The following HOXB6 variants were observed in gnomAD, a reference collection of about 807,000 sequenced individuals.
HOXB6 encodes the protein homeobox protein Hox-B6.
Under a neutral mutation model 24.2 loss-of-function variants are expected in HOXB6, and 18 were observed. The ratio of observed to expected loss-of-function variants is 0.74; its 90% confidence interval spans 0.51 to 1.10. HOXB6 has a LOEUF of 1.10. HOXB6 is among the 50% of genes least tolerant of loss of function. The pLI is 0.00. For synonymous variants in HOXB6, 159 were observed against 139.1 expected, an observed-to-expected ratio of 1.14 and a Z score of -1.01; for missense variants, 332 against 308.3, an observed-to-expected ratio of 1.08 and a Z score of -0.58.
At position 48,597,913 on chromosome 17, in the gene HOXB6, A is replaced by G; in HGVS notation, c.238T>C (p.Phe80Leu). The G allele has an allele frequency of 6.3e-7, 1 of 1,578,024 alleles. No individual in the cohort carries two copies. The highest frequency in any genetic ancestry group is 1.1e-5 in the South Asian group (1 of 87,092). ...CAGGCCGACTCTTTCTCGCGGTAGA[A>G]GGCCGGCGCCGGCCCGTAGTCGCAG... ...APCDYGPAPAFYREKESACAL... is the reference protein window; with the variant it reads ...APCDYGPAPALYREKESACAL... Residue 80 changes from phenylalanine (F) to leucine (L), a missense_variant, in exon 3 of 4, where the codon TTC becomes CTC. Physicochemically the swap from Phe to Leu is conservative, Grantham distance 22. Transcript: ENST00000225648.
chr17:48,603,500 T>A (rs1315584242), intron 2 of HOXB6, among the ~76,000 whole-genome samples: 2 of 152,202 alleles, frequency 1.3e-5, no homozygotes, highest in African/African-American at 4.8e-5. Context: ...CTTCTTTCAT[T>A]TCTTTCTCTT....
chr17:48,602,273 G>T, intron 2 of HOXB6: 1 of 455,294 alleles, frequency 2.2e-6, no homozygotes, highest in Non-Finnish European at 4.4e-6. Flanking sequence ...CGGGGCCGGC[G>T]CCTGCCCTGC....
At chr17:48,597,690 G>A (rs1373866276) in intron 3 of HOXB6, 46 bp downstream of exon 3, 7 of 1,591,488 alleles carry the variant, frequency 4.4e-6, no homozygotes, top group Non-Finnish European at 6.0e-6. Flanking sequence ...TCCCGGGGTG[G>A]GCGCCCAGGG....
At position 48,597,112 on chromosome 17, in the gene HOXB6, G is replaced by A. The variant is rs934421004; in HGVS notation, c.416-440C>T. ...TTTCGAGTCCGGCTAATGGACATCA[G>A]TTGGGACTTAAGGCCAACAAATAAT... On this transcript the variant is annotated intron_variant, in intron 3 of 3. Transcript: ENST00000225648. 4.2e-5 allele frequency: 45 copies of A among 1,077,794 alleles called. No homozygotes were observed. In the African/African-American group the frequency reaches 7.1e-4, roughly 17 times the overall value. 66.8% of individuals were successfully genotyped at this position (1,077,794 alleles called of 1,614,324 possible).
Position 48,596,814 on chromosome 17 carries a change from C to A in HOXB6, c.416-142G>T. 1 of 1,364,266 alleles carries A rather than the reference C, an allele frequency of 7.3e-7. No individual in the cohort carries two copies. 84.5% of individuals were successfully genotyped at this position (1,364,266 alleles called of 1,614,324 possible). ...CTCCCTTCCCCCGTTTCGCACTCCT[C>A]CAGCGCCCCCTCCAGATTCCCTCCT... On this transcript the variant is annotated intron_variant, in intron 3 of 3. Coordinates refer to ENST00000225648, the MANE Select transcript of HOXB6 (RefSeq NM_018952.5). The surrounding 1 kb of genome is among the most constrained non-coding windows in gnomAD (Gnocchi z 4.8).
Position 48,596,690 on chromosome 17 carries a change from G to C in HOXB6, c.416-18C>G. 1 of 1,610,156 alleles carries C rather than the reference G, an allele frequency of 6.2e-7. No homozygotes were observed. Among genetic ancestry groups the C allele is most frequent in the Non-Finnish European group, 8.5e-7 (1 of 1,179,998 alleles). ...GGAGGAACCTGTTACGCAGAGTGGA[G>C]ATGCTGAGGCCTGCGGTCACCGGGC... On this transcript the variant is annotated intron_variant, in intron 3 of 3. Transcript: ENST00000225648. The surrounding 1 kb of genome is among the most constrained non-coding windows in gnomAD (Gnocchi z 4.8).
At chr17:48,604,324 C>G (rs558258926) in intron 2 of HOXB6, among the ~76,000 whole-genome samples, 156 bp downstream of exon 2, 2 of 152,322 alleles carry the variant, frequency 1.3e-5, no homozygotes, top group Admixed American at 6.5e-5. Context: ...CATATCTCCA[C>G]CACTGAATTT....
rs1200197321 is a variant in HOXB6 at position 48,596,691 on chromosome 17, A to T, written c.416-19T>A. 1 of 1,609,902 alleles carries T rather than the reference A, an allele frequency of 6.2e-7. No homozygotes were observed. The highest frequency in any genetic ancestry group is 8.5e-7 in the Non-Finnish European group (1 of 1,179,984). The stretch of plus-strand genomic sequence containing the variant: ...GAGGAACCTGTTACGCAGAGTGGAG[A>T]TGCTGAGGCCTGCGGTCACCGGGCC... On this transcript the variant is annotated intron_variant, in intron 3 of 3. Transcript: ENST00000225648. The surrounding 1 kb of genome is among the most constrained non-coding windows in gnomAD (Gnocchi z 4.8).
In HOXB6 at chr17:48,598,134, A is replaced by T; in HGVS notation, c.17T>A (p.Val6Glu). 6.3e-7 allele frequency: 1 copy of T among 1,591,016 alleles called. No individual in the cohort carries two copies. The highest frequency in any genetic ancestry group is 8.6e-7 in the Non-Finnish European group (1 of 1,164,530). Residue 6 changes from valine (V) to glutamate (E), a missense_variant, in exon 3 of 4, where the codon GTG becomes GAG. Val to Glu is a moderately radical substitution (Grantham distance 121). Transcript: ENST00000225648. MSSYF[V>E]NSTFPVTLAS... ...CAGAGTGACGGGGAAGGTGGAGTTC[A>T]CGAAATAGGAACTCATTGGGAGGGG...
At position 48,598,090 on chromosome 17, in the gene HOXB6, A is replaced by G. The variant is rs1325438075; in HGVS notation, c.61T>C (p.Phe21Leu). Residue 21 changes from phenylalanine (F) to leucine (L), a missense_variant, in exon 3 of 4, where the codon TTC becomes CTC. By Grantham distance (22) the Phe-to-Leu change is conservative. Transcript: ENST00000225648. ...GAATAGAGCGGTAGCTGGCCCAGGA[A>G]GGACTCCTGCCCGCTGGCCAGAGTG... is the stretch of plus-strand genomic sequence containing the variant. Reference protein sequence around the residue: ...PVTLASGQESFLGQLPLYSSG... With the variant: ...PVTLASGQESLLGQLPLYSSG... 11 of 1,604,682 alleles carry G rather than the reference A, an allele frequency of 6.9e-6. No individual in the cohort carries two copies. In the East Asian group the frequency reaches 1.6e-4, roughly 23 times the overall value.
chr17:48,598,278 G>T, intron 2 of HOXB6, 50 bp from the exon 3 acceptor site: 2 of 960,806 alleles, frequency 2.1e-6, no homozygotes, highest in Non-Finnish European at 3.0e-6. Context: ...GGGATGGCGA[G>T]GTGCCAGTGA....
intron 2 of HOXB6, chr17:48,602,000 G>A (rs911323343): frequency 4.7e-6 from 2 of 421,980 alleles, no homozygotes; most frequent in African/African-American, 4.0e-5. Context: ...CAACAGGAAC[G>A]GAAATTACGA....
chr17:48,600,504 T>G (rs2070433798), intron 2 of HOXB6: 1 of 455,748 alleles, frequency 2.2e-6, no homozygotes, highest in South Asian at 1.5e-5. Context: ...GAGTCGGGCA[T>G]GAAAGAAAAT....
chr17:48,597,041 C>A (rs1369258380), intron 3 of HOXB6: 2 of 1,174,582 alleles, frequency 1.7e-6, no homozygotes, highest in African/African-American at 1.6e-5. Context: ...GCCGTTAATC[C>A]GTAATGACGT....
chr17:48,598,523 G>A (rs1034558265), intron 2 of HOXB6, among the ~76,000 whole-genome samples: 1 of 152,120 alleles, frequency 6.6e-6, no homozygotes, highest in Admixed American at 6.5e-5. Flanking sequence ...TTTGAGGGAG[G>A]AGGGAACGTT....
chr17:48,601,458 G>A (rs1373882880), intron 2 of HOXB6: 1 of 152,380 alleles, frequency 6.6e-6, no homozygotes, highest in Non-Finnish European at 1.5e-5. Flanking sequence ...GCCCTGAAGT[G>A]TTTCAATACC....
In HOXB6 at chr17:48,595,804, T is replaced by TATCATCATC. The variant is rs35307473; in HGVS notation, c.*600_*608dup. The TATCATCATC allele has an allele frequency of 1.2e-4, 22 of 190,660 alleles. 1 individual carries two copies. The highest frequency in any genetic ancestry group is 7.4e-4 in the Admixed American group (13 of 17,680). The allele number at this position is 190,660 out of a possible 1,614,324, so 11.8% of individuals were successfully genotyped here. ...TTGTTGTTGTTATTATTATTATTAT[T>TATCATCATC]ATCATCATCATCATCATCATCATCA... On this transcript the variant is annotated 3_prime_UTR_variant, in exon 4 of 4. Transcript: ENST00000225648.
intron 2 of HOXB6, among the ~76,000 whole-genome samples, chr17:48,598,839 T>C (rs2070388569): frequency 6.6e-6 from 1 of 152,212 alleles, no homozygotes; most frequent in African/African-American, 2.4e-5. Flanking sequence ...ATCTGCTCTG[T>C]CTCCTCCAAG....
chr17:48,600,365 G>A (rs546758305), intron 2 of HOXB6: 3 of 440,750 alleles, frequency 6.8e-6, no homozygotes, highest in South Asian at 4.8e-5. Context: ...GTGAGGAAGG[G>A]AGCATTTCCC....
Sources: gnomAD v4.1 joint callset for allele counts (sites outside exome capture counted in the v4.1 genomes callset) on GRCh38, gnomAD v4.1.1 for gene constraint, Gnocchi (gnomAD v3.1) non-coding constraint, MANE v1.5 for transcripts, NCBI Gene and HGNC (gene_info 2026-07-23, HGNC 2026-07-21) for gene names.